The following CSMD1 variants were observed in gnomAD, a reference collection of about 807,000 sequenced individuals.
The protein encoded by CSMD1 is CUB and sushi domain-containing protein 1.
CSMD1 carries 213 observed loss-of-function variants against 417.5 expected under a neutral mutation model. The observed-to-expected ratio is 0.51, with a 90% confidence interval of 0.46 to 0.57. The LOEUF is 0.57. CSMD1 is among the 20% of genes least tolerant of loss of function. The pLI is 0.00. For missense variants in CSMD1, 6,923 were observed against 4,529.7 expected, an observed-to-expected ratio of 1.53 and a Z score of -15.17; for synonymous variants, 2,862 against 1,736.8, an observed-to-expected ratio of 1.65 and a Z score of -16.11.
intron 3 of CSMD1, among the ~76,000 whole-genome samples, chr8:4,357,693 A>G (rs535110876): frequency 5.7e-4 from 87 of 152,198 alleles, no homozygotes; most frequent in African/African-American, 2.0e-3. Flanking sequence ...CAAAAACTTA[A>G]CAAATAATCA....
chr8:3,143,185 T>C (rs1818610424), intron 40 of CSMD1, among the ~76,000 whole-genome samples: 1 of 152,240 alleles, frequency 6.6e-6, no homozygotes, highest in South Asian at 2.1e-4. Context: ...TCTGTTTATT[T>C]TGTCTGTTTG....
At chr8:4,679,350 A>G (rs1343325844) in intron 1 of CSMD1, among the ~76,000 whole-genome samples, 1 of 152,230 alleles carries the variant, frequency 6.6e-6, no homozygotes, top group East Asian at 1.9e-4. Flanking sequence ...ACAATGAAAT[A>G]TTAAACATTT....
chr8:4,746,191 C>T (rs879394152), intron 1 of CSMD1, among the ~76,000 whole-genome samples: 24 of 152,150 alleles, frequency 1.6e-4, no homozygotes, highest in East Asian at 7.7e-4. Context: ...TGTCCAATTC[C>T]GCCCTAAAAC....
At chr8:4,271,384 T>C (rs1178668700) in intron 3 of CSMD1, among the ~76,000 whole-genome samples, 3 of 152,072 alleles carry the variant, frequency 2.0e-5, no homozygotes, top group South Asian at 2.1e-4. Flanking sequence ...AATAAAAGTT[T>C]AAAAAATACG....
chr8:4,088,521 T>A (rs1192168948), intron 3 of CSMD1, among the ~76,000 whole-genome samples: 1 of 152,192 alleles, frequency 6.6e-6, no homozygotes, highest in East Asian at 1.9e-4. Context: ...CCCATGTCAC[T>A]GGTTAGGATG....
chr8:3,500,829 G>C (rs1272588353), intron 10 of CSMD1, among the ~76,000 whole-genome samples: 2 of 152,130 alleles, frequency 1.3e-5, no homozygotes, highest in Admixed American at 6.5e-5. Context: ...AATGGGATGT[G>C]AGGAAGCGGA....
intron 5 of CSMD1, among the ~76,000 whole-genome samples, chr8:3,865,543 A>G (rs1585110816): frequency 1.3e-5 from 2 of 151,982 alleles, no homozygotes; most frequent in African/African-American, 4.8e-5. Context: ...GCAATGAGGG[A>G]CCAAGCAGGC....
At chr8:4,559,153 T>G (rs1039870620) in intron 2 of CSMD1, among the ~76,000 whole-genome samples, 14 of 152,166 alleles carry the variant, frequency 9.2e-5, no homozygotes, top group African/African-American at 3.4e-4. Flanking sequence ...GGAATCAAGA[T>G]CTGGTCTTTG....
At chr8:3,523,590 T>C (rs910277517) in intron 10 of CSMD1, among the ~76,000 whole-genome samples, 2 of 149,870 alleles carry the variant, frequency 1.3e-5, no homozygotes, top group African/African-American at 2.5e-5. Flanking sequence ...CACACAGACA[T>C]ATGCACACAT....
chr8:4,491,917 A>C (rs1563229204), intron 2 of CSMD1, among the ~76,000 whole-genome samples: 1 of 152,208 alleles, frequency 6.6e-6, no homozygotes, highest in Admixed American at 6.5e-5. Flanking sequence ...AAATCTTTAC[A>C]AAATATTTAT....
intron 10 of CSMD1, among the ~76,000 whole-genome samples, chr8:3,570,481 C>G (rs1053504187): frequency 6.6e-6 from 1 of 152,196 alleles, no homozygotes; most frequent in Admixed American, 6.5e-5. Context: ...TTTCATTAAA[C>G]ATGACCAAAT....
At chr8:4,993,938 G>A (rs1275301875) in intron 1 of CSMD1, among the ~76,000 whole-genome samples, 1 of 152,090 alleles carries the variant, frequency 6.6e-6, no homozygotes, top group Non-Finnish European at 1.5e-5. Context: ...CGGGTCCGGG[G>A]AGAAAGTCCT....
intron 1 of CSMD1, among the ~76,000 whole-genome samples, chr8:4,745,111 A>C (rs1286850169): frequency 6.6e-6 from 1 of 152,154 alleles, no homozygotes; most frequent in Non-Finnish European, 1.5e-5. Flanking sequence ...GGCATGTCAA[A>C]ATCCATACAT....
At chr8:3,906,964 A>G (rs986702593) in intron 5 of CSMD1, among the ~76,000 whole-genome samples, 14 of 152,222 alleles carry the variant, frequency 9.2e-5, no homozygotes, top group Non-Finnish European at 1.8e-4. Flanking sequence ...ACCAGTTATC[A>G]GACAACTGAA....
intron 26 of CSMD1, among the ~76,000 whole-genome samples, chr8:3,275,740 A>G (rs1162695408): frequency 6.6e-6 from 1 of 152,126 alleles, no homozygotes; most frequent in South Asian, 2.1e-4. Flanking sequence ...AGGCTTCTGC[A>G]TTCTTCACGT....
intron 3 of CSMD1, among the ~76,000 whole-genome samples, chr8:4,322,477 A>G (rs1799325703): frequency 6.6e-6 from 1 of 152,178 alleles, no homozygotes; most frequent in African/African-American, 2.4e-5. Flanking sequence ...TAGGGATTAA[A>G]AGAGTGAAAG....
intron 3 of CSMD1, among the ~76,000 whole-genome samples, chr8:4,315,351 C>A (rs879352927): frequency 2.0e-5 from 3 of 152,140 alleles, no homozygotes; most frequent in Non-Finnish European, 4.4e-5. Context: ...ACTGTGAGCC[C>A]CAGGTGGCAG....
chr8:3,558,126 CCCG>C (rs1563151686), intron 10 of CSMD1, among the ~76,000 whole-genome samples: 48 of 150,502 alleles, frequency 3.2e-4, no homozygotes, highest in Non-Finnish European at 6.4e-4. Context: ...TCAATGGTAC[CCCG>C]TGTCCACTCC....
chr8:4,570,329 T>TTGAG (rs1184482925), intron 2 of CSMD1, among the ~76,000 whole-genome samples: 5 of 152,072 alleles, frequency 3.3e-5, no homozygotes, highest in African/African-American at 1.2e-4. Flanking sequence ...ACCTAGTTTA[T>TTGAG]TATTTTTAGC....
Sources: gnomAD v4.1 joint callset for allele counts (sites outside exome capture counted in the v4.1 genomes callset) on GRCh38, gnomAD v4.1.1 for gene constraint, MANE v1.5 for transcripts, NCBI Gene and HGNC (gene_info 2026-07-23, HGNC 2026-07-21) for gene names.